IFI16: variants seen among roughly 807,000 people sequenced by gnomAD.
The protein encoded by IFI16 is gamma-interferon-inducible protein 16.
Under a neutral mutation model 68.4 loss-of-function variants are expected in IFI16, and 49 were observed. That is an observed-to-expected ratio of 0.72 (90% CI 0.57 to 0.91). The LOEUF (loss-of-function observed/expected upper bound fraction) is 0.91, where lower values mean the gene tolerates loss of function less well. Among genes scored for constraint, IFI16 ranks in the 40% least tolerant of loss-of-function variants. The pLI is 0.00. For missense variants in IFI16, 878 were observed against 942.9 expected, an observed-to-expected ratio of 0.93 and a Z score of 0.90; for synonymous variants, 307 against 315.0, an observed-to-expected ratio of 0.97 and a Z score of 0.27.
intron 8 of IFI16, among the ~76,000 whole-genome samples, chr1:159,048,968 C>T (rs944631959): frequency 2.0e-5 from 3 of 151,416 alleles, no homozygotes; most frequent in African/African-American, 7.3e-5. Flanking sequence ...CCTGTTATGG[C>T]TACGATCAGA....
chr1:159,006,634 T>G (rs1652270848), upstream of IFI16, among the ~76,000 whole-genome samples: 1 of 152,124 alleles, frequency 6.6e-6, no homozygotes, highest in Admixed American at 6.5e-5. Flanking sequence ...CCTTCCCAGC[T>G]AGAGAGAGTC....
intron 1 of IFI16, 69 bp from the exon 2 acceptor site, chr1:159,014,592 A>T: frequency 9.7e-7 from 1 of 1,026,882 alleles, no homozygotes; most frequent in Non-Finnish European, 1.4e-6. Context: ...CCACTCACTC[A>T]CATAGGCATA....
At position 159,015,074 on chromosome 1, in the gene IFI16, T is replaced by TGTTG. The variant is rs1652838183; in HGVS notation, c.265+132_265+135dup. ...GTTTGTGACTCAACAGCTGAGACAATGTTGGTACTTCAGAGGCCAACAAGT... is the reference window on the plus strand; with the variant it reads ...GTTTGTGACTCAACAGCTGAGACAATGTTGGTTGGTACTTCAGAGGCCAACAAGT... On this transcript the variant is annotated intron_variant, in intron 2 of 11. Transcript: ENST00000295809. The TGTTG allele has an allele frequency of 1.7e-5, 15 of 876,566 alleles. 1 individual carries two copies. In the South Asian group the frequency reaches 2.6e-4, roughly 15 times the overall value. 54.3% of individuals were successfully genotyped at this position (876,566 alleles called of 1,614,324 possible).
intron 7 of IFI16, among the ~76,000 whole-genome samples, chr1:159,044,199 C>T (rs1487476163): frequency 6.6e-6 from 1 of 152,104 alleles, no homozygotes; most frequent in East Asian, 1.9e-4. Context: ...TGTGGGAAAA[C>T]TGAGGTGCAA....
intron 6 of IFI16, among the ~76,000 whole-genome samples, chr1:159,031,437 G>T (rs1320054388): frequency 1.3e-5 from 2 of 152,228 alleles, no homozygotes; most frequent in African/African-American, 4.8e-5. Context: ...TCTACTGGCA[G>T]CCCTCCTGAA....
chr1:159,032,585 AGC>A lies in IFI16; in HGVS notation c.1225_1226del (p.Arg409SerfsTer14). 1 of 1,612,612 alleles carries A rather than the reference AGC, an allele frequency of 6.2e-7. No homozygotes were observed. Among genetic ancestry groups the A allele is most frequent in the Non-Finnish European group, 8.5e-7 (1 of 1,179,202 alleles). On this transcript the variant is annotated frameshift_variant, in exon 7 of 12. Coordinates refer to ENST00000295809, the MANE Select transcript of IFI16 (RefSeq NM_001376587.1). LOFTEE classifies it high-confidence loss of function. The stretch of plus-strand genomic sequence containing the variant: ...AAGAGCATGAAGCTACCCCAGGAAC[AGC>A]GTCAGCTTCCATATCCTTCAGAGGC...
intron 4 of IFI16, 41 bp downstream of exon 4, chr1:159,016,741 C>T: frequency 6.4e-7 from 1 of 1,565,116 alleles, no homozygotes; most frequent in Non-Finnish European, 8.7e-7. Context: ...TTTTTTTCAA[C>T]CCAAAGTAAA....
intron 7 of IFI16, among the ~76,000 whole-genome samples, chr1:159,035,569 G>A (rs887282032): frequency 7.2e-5 from 11 of 152,118 alleles, no homozygotes; most frequent in South Asian, 2.1e-4. Flanking sequence ...AACACACTAC[G>A]CAGCCATTTA....
intron 1 of IFI16, among the ~76,000 whole-genome samples, chr1:159,013,944 G>A (rs1652751652): frequency 6.6e-6 from 1 of 152,156 alleles, no homozygotes; most frequent in South Asian, 2.1e-4. Context: ...GGCTTATCGA[G>A]AGAAAACTGA....
chr1:159,026,235 G>T (rs892896529), intron 6 of IFI16, among the ~76,000 whole-genome samples: 1 of 151,162 alleles, frequency 6.6e-6, no homozygotes, highest in African/African-American at 2.4e-5. Context: ...TTGGTATTTG[G>T]ATGGGAATTG....
At chr1:159,006,518 TG>T (rs1484130694), upstream of IFI16, among the ~76,000 whole-genome samples, 1 of 152,174 alleles carries the variant, frequency 6.6e-6, no homozygotes, top group Non-Finnish European at 1.5e-5. Context: ...TGGGCTCTTT[TG>T]AAACGCTGAG....
intron 6 of IFI16, among the ~76,000 whole-genome samples, chr1:159,023,411 C>T (rs1311995798): frequency 1.3e-5 from 2 of 152,012 alleles, no homozygotes; most frequent in Non-Finnish European, 2.9e-5. Flanking sequence ...ATTTATGAAT[C>T]GTTGCTGATT....
At chr1:159,038,991 A>G (rs1654473164) in intron 7 of IFI16, among the ~76,000 whole-genome samples, 1 of 152,172 alleles carries the variant, frequency 6.6e-6, no homozygotes, top group Non-Finnish European at 1.5e-5. Context: ...CAGTTTGTGT[A>G]TTTGCTTGAT....
intron 7 of IFI16, among the ~76,000 whole-genome samples, chr1:159,038,665 C>T (rs907286096): frequency 5.9e-5 from 9 of 152,214 alleles, no homozygotes; most frequent in African/African-American, 1.7e-4. Flanking sequence ...CTGCATGCAG[C>T]TTAAATGTTC....
intron 9 of IFI16, among the ~76,000 whole-genome samples, chr1:159,049,929 A>T (rs1446761919): frequency 6.6e-6 from 1 of 151,050 alleles, no homozygotes; most frequent in African/African-American, 2.5e-5. Flanking sequence ...CCATAACACT[A>T]TCACTGATTT....
rs551980759 is a variant in IFI16, at chr1:159,028,975, C to A, written c.1162-3549C>A. 5.9e-5 allele frequency among the ~76,000 whole-genome samples: 9 copies of A among 152,108 alleles called. No homozygotes were observed. The East Asian group carries it at 1.7e-3, about 29-fold the overall frequency. On this transcript the variant is annotated intron_variant, in intron 6 of 11. Transcript: ENST00000295809. ...GTATGCTTTAAGTGGAGCATTTTGG[C>A]CATTTATATTCAATGTTAGTATTGA...
At chr1:159,025,847 A>G (rs972185370) in intron 6 of IFI16, among the ~76,000 whole-genome samples, 22 of 152,208 alleles carry the variant, frequency 1.4e-4, no homozygotes, top group Admixed American at 3.9e-4. Context: ...TGATTTTTGT[A>G]TAAGGTGAGA....
intron 1 of IFI16, among the ~76,000 whole-genome samples, chr1:159,014,316 G>A (rs1299801182): frequency 6.6e-6 from 1 of 152,186 alleles, no homozygotes; most frequent in African/African-American, 2.4e-5. Flanking sequence ...GGCAGGATTT[G>A]GGGAATAGGC....
intron 1 of IFI16, among the ~76,000 whole-genome samples, chr1:159,010,582 A>G (rs1652487231): frequency 6.6e-6 from 1 of 152,252 alleles, no homozygotes; most frequent in African/African-American, 2.4e-5. Flanking sequence ...ATCTGAGCAT[A>G]GAGATGTATT....
Sources: allele counts gnomAD v4.1 joint callset (sites outside exome capture counted in the v4.1 genomes callset), GRCh38; gene constraint gnomAD v4.1.1; transcripts MANE v1.5; gene names NCBI Gene and HGNC (gene_info 2026-07-23, HGNC 2026-07-21).